RNF217: variants seen among roughly 807,000 people sequenced by gnomAD.
The protein encoded by RNF217 is E3 ubiquitin-protein ligase RNF217.
Under a neutral mutation model 57.8 loss-of-function variants are expected in RNF217, and 31 were observed. The observed-to-expected ratio is 0.54, with a 90% CI of 0.40 to 0.72. RNF217 has a LOEUF of 0.72. RNF217 is among the 30% of genes least tolerant of loss of function. RNF217 has a pLI of 0.00. For synonymous variants in RNF217, 313 were observed against 294.0 expected (o/e 1.06, Z -0.66); for missense variants, 696 against 708.3 (o/e 0.98, Z 0.20).
chr6:125,049,561 C>A (rs1006832475), intron 2 of RNF217, among the ~76,000 whole-genome samples: 1 of 151,858 alleles, frequency 6.6e-6, no homozygotes, highest in African/African-American at 2.4e-5. Flanking sequence ...AGCTCTGTCA[C>A]CTTGAGTATC....
At chr6:125,060,596 C>A (rs73580024) in intron 3 of RNF217, among the ~76,000 whole-genome samples, 14,556 of 152,052 alleles carry the variant, frequency 0.096, 778 homozygotes, top group African/African-American at 0.16. Flanking sequence ...AGGCATGAGC[C>A]ACCATGCCTG....
chr6:124,964,648 C>G (rs897700893), intron 1 of RNF217, among the ~76,000 whole-genome samples: 1 of 152,162 alleles, frequency 6.6e-6, no homozygotes, highest in African/African-American at 2.4e-5. Context: ...GTTACATAAA[C>G]AGTAAGTTGG....
chr6:124,994,333 G>A (rs966654175), intron 1 of RNF217, among the ~76,000 whole-genome samples: 1 of 152,018 alleles, frequency 6.6e-6, no homozygotes, highest in African/African-American at 2.4e-5. Flanking sequence ...AAATCCTGAC[G>A]TGATTTCATC....
At chr6:125,005,073 G>A (rs1034538058) in intron 1 of RNF217, among the ~76,000 whole-genome samples, 2 of 152,072 alleles carry the variant, frequency 1.3e-5, no homozygotes, top group Non-Finnish European at 2.9e-5. Flanking sequence ...GAACTCCCAG[G>A]ATAACAGCAT....
chr6:125,002,113 G>A (rs1317460661), intron 1 of RNF217, among the ~76,000 whole-genome samples: 1 of 152,152 alleles, frequency 6.6e-6, no homozygotes, highest in Non-Finnish European at 1.5e-5. Flanking sequence ...TAAAATACTG[G>A]AGAGACTAAT....
intron 1 of RNF217, among the ~76,000 whole-genome samples, chr6:125,021,396 G>C (rs1272858704): frequency 1.3e-5 from 2 of 151,638 alleles, no homozygotes; most frequent in African/African-American, 4.9e-5. Flanking sequence ...CTCCCAAGTA[G>C]CTGGGATTAC....
chr6:125,001,470 G>A (rs1216478523), intron 1 of RNF217, among the ~76,000 whole-genome samples: 1 of 152,180 alleles, frequency 6.6e-6, no homozygotes, highest in African/African-American at 2.4e-5. Context: ...TTATAACATG[G>A]CAGATAAAGA....
chr6:125,074,703 G>GT (rs1480057771), intron 3 of RNF217, among the ~76,000 whole-genome samples: 25 of 151,826 alleles, frequency 1.6e-4, no homozygotes, highest in Admixed American at 8.5e-4. Flanking sequence ...TCATTGACCA[G>GT]TTTTTTTAAT....
At chr6:124,965,576 A>G (rs780996818) in intron 1 of RNF217, among the ~76,000 whole-genome samples, 1 of 152,184 alleles carries the variant, frequency 6.6e-6, no homozygotes, top group African/African-American at 2.4e-5. Flanking sequence ...CCTCTCAAAA[A>G]AAAAGAAGAA....
rs1383799084 is a variant in RNF217 at position 125,058,213 on chromosome 6, G to GA, written c.1281+112dup. ...ATAACTGTCTTAATGCAGGTATGTG[G>GA]AAAAAGAGTATTGCTCTTTTATTTT... On this transcript the variant is annotated intron_variant, in intron 3 of 5. Coordinates refer to ENST00000521654, the MANE Select transcript of RNF217 (RefSeq NM_001286398.3). 8 of 933,262 alleles carry GA rather than the reference G, an allele frequency of 8.6e-6. No individual in the cohort carries two copies. In the African/African-American group the frequency reaches 1.2e-4, roughly 14 times the overall value. The allele number at this position is 933,262 out of a possible 1,614,324, so 57.8% of individuals were successfully genotyped here.
At chr6:125,001,984 G>T (rs1289090492) in intron 1 of RNF217, among the ~76,000 whole-genome samples, 2 of 152,148 alleles carry the variant, frequency 1.3e-5, no homozygotes, top group African/African-American at 2.4e-5. Context: ...TTCTCCACGT[G>T]TATTTTAGGT....
intron 1 of RNF217, chr6:125,009,177 C>G (rs891138304): frequency 6.5e-7 from 1 of 1,546,234 alleles, no homozygotes; most frequent in African/African-American, 1.4e-5. Flanking sequence ...TTCATAGGTC[C>G]ATTGCCAGCA....
Position 125,091,426 on chromosome 6 carries a change from A to T in RNF217, c.*8489A>T, listed in dbSNP as rs1483626457. On this transcript the variant is annotated 3_prime_UTR_variant, in exon 6 of 6. Coordinates refer to ENST00000521654, the MANE Select transcript of RNF217 (RefSeq NM_001286398.3). ...ATTTAAAGTGCTAAGGAGAAAGCAT[A>T]TCTTTAGGGATGTATATAGGCTGCG... 6.6e-6 allele frequency: 1 copy of T among 152,084 alleles called. No homozygotes were observed. The highest frequency in any genetic ancestry group is 1.5e-5 in the Non-Finnish European group (1 of 67,944). 9.4% of individuals were successfully genotyped at this position (152,084 alleles called of 1,614,324 possible). A position where few individuals can be genotyped will look rare whatever the true frequency, so the allele number is the denominator to read the frequency against.
chr6:125,034,693 C>T (rs565770405), intron 1 of RNF217, among the ~76,000 whole-genome samples: 76 of 152,074 alleles, frequency 5.0e-4, no homozygotes, highest in Non-Finnish European at 1.2e-4. Context: ...TTTTTTGGTT[C>T]CATATGAACT....
chr6:125,081,467 G>A lies in RNF217; in HGVS notation c.1515G>A (p.Met505Ile). Residue 505 changes from methionine to isoleucine, a missense_variant, in exon 5 of 6, where the codon ATG (methionine) becomes ATA (isoleucine). Met to Ile is a conservative substitution (Grantham distance 10, BLOSUM62 1). Coordinates refer to ENST00000521654, the MANE Select transcript of RNF217 (RefSeq NM_001286398.3). Reference sequence around the variant, plus strand: ...AATTATTCATTGCACCTCTAATTATGGTTTTGGGATTGGCACTAGGGGCCA... The same window carrying A: ...AATTATTCATTGCACCTCTAATTATAGTTTTGGGATTGGCACTAGGGGCCA... The part of the protein sequence containing the change: ...AGKLFIAPLI[M>I]VLGLALGAIA... The A allele has an allele frequency of 6.2e-7, 1 of 1,611,462 alleles. No homozygotes were observed. Among genetic ancestry groups the A allele is most frequent in the Non-Finnish European group, 8.5e-7 (1 of 1,178,374 alleles).
In RNF217 at chr6:125,034,922, A is replaced by C. The variant is rs556882209; in HGVS notation, c.883-10289A>C. 7.2e-5 allele frequency among the ~76,000 whole-genome samples: 11 copies of C among 152,188 alleles called. No homozygotes were observed. In the East Asian group the frequency reaches 2.1e-3, roughly 29 times the overall value. Reference sequence around the variant, plus strand: ...TGAAGAGGTCCTTCACATCCCTTGTAAGTTGGATTCCTAAATATTTTATTC... The same window carrying C: ...TGAAGAGGTCCTTCACATCCCTTGTCAGTTGGATTCCTAAATATTTTATTC... On this transcript the variant is annotated intron_variant, in intron 1 of 5. Coordinates refer to ENST00000521654, the MANE Select transcript of RNF217 (RefSeq NM_001286398.3).
chr6:125,061,399 T>C (rs1472703998), intron 3 of RNF217, among the ~76,000 whole-genome samples: 2 of 151,734 alleles, frequency 1.3e-5, no homozygotes, highest in Non-Finnish European at 2.9e-5. Flanking sequence ...TATTTTCCTG[T>C]TTGCTTGTAA....
intron 1 of RNF217, among the ~76,000 whole-genome samples, chr6:125,017,684 T>G (rs1430122676): frequency 6.6e-6 from 1 of 152,198 alleles, no homozygotes; most frequent in Non-Finnish European, 1.5e-5. Flanking sequence ...TTAAATTCCT[T>G]TCTTAATTAT....
chr6:124,981,473 G>A (rs374529466), intron 1 of RNF217, among the ~76,000 whole-genome samples: 21 of 152,204 alleles, frequency 1.4e-4, no homozygotes, highest in African/African-American at 3.9e-4. Flanking sequence ...TTGGGGGGGC[G>A]GTGACTTTCA....
Sources: allele counts gnomAD v4.1 joint callset (sites outside exome capture counted in the v4.1 genomes callset), GRCh38; gene constraint gnomAD v4.1.1; transcripts MANE v1.5; gene names NCBI Gene and HGNC (gene_info 2026-07-23, HGNC 2026-07-21).